CNTNAP2: variants seen among roughly 807,000 people sequenced by gnomAD.
CNTNAP2 encodes contactin associated protein 2.
Under a neutral mutation model 155.2 loss-of-function variants are expected in CNTNAP2, and 98 were observed. The observed-to-expected ratio is 0.63, with a 90% CI of 0.54 to 0.75. The LOEUF is 0.75. CNTNAP2 is among the 30% of genes least tolerant of loss of function. The probability of loss-of-function intolerance (pLI) is 0.00; values close to 1 mark genes in which losing one functional copy is unlikely to be tolerated. For synonymous variants in CNTNAP2, 651 were observed against 631.2 expected (o/e 1.03, Z -0.47); for missense variants, 1,727 against 1,688.1 (o/e 1.02, Z -0.40).
intron 12 of CNTNAP2, among the ~76,000 whole-genome samples, chr7:147,603,651 C>G (rs1401816629): frequency 7.9e-5 from 12 of 151,066 alleles, no homozygotes; most frequent in African/African-American, 2.9e-4. Flanking sequence ...ACTGCCCAAG[C>G]TAATTTATAG....
rs143433192 is a variant in CNTNAP2 at position 146,317,198 on chromosome 7, G to A, written c.97+200225G>A. On this transcript the variant is annotated intron_variant, in intron 1 of 23. Transcript: ENST00000361727. ...TAAATGCAATACATTAAAATTAGAA[G>A]TTAGCAGTTGACTTTATAAGAATCA... is the stretch of plus-strand genomic sequence containing the variant. Among the ~76,000 whole-genome samples the A allele has an allele frequency of 5.8e-4, 88 of 152,194 alleles. 1 individual carries two copies. The highest frequency in any genetic ancestry group is 2.0e-3 in the African/African-American group (85 of 41,548).
At chr7:147,058,451 G>A (rs1011254277) in intron 4 of CNTNAP2, among the ~76,000 whole-genome samples, 2 of 152,026 alleles carry the variant, frequency 1.3e-5, no homozygotes, top group African/African-American at 4.8e-5. Flanking sequence ...AATTTATATT[G>A]TTTTCACGCA....
intron 11 of CNTNAP2, among the ~76,000 whole-genome samples, chr7:147,517,291 C>T (rs1276953301): frequency 6.6e-6 from 1 of 152,172 alleles, no homozygotes; most frequent in Non-Finnish European, 1.5e-5. Context: ...AGAGGCAGCT[C>T]TGACTGTTAG....
Position 147,522,489 on chromosome 7 carries a change from G to A in CNTNAP2, c.1777+36448G>A, listed in dbSNP as rs944468369. On this transcript the variant is annotated intron_variant, in intron 11 of 23. Coordinates refer to ENST00000361727, the MANE Select transcript of CNTNAP2 (RefSeq NM_014141.6). ...TTTATTCACAATATGATTTTCATATGTAATATTTAGAATTATTACCAAAAG... is the reference window on the plus strand; with the variant it reads ...TTTATTCACAATATGATTTTCATATATAATATTTAGAATTATTACCAAAAG... Among the ~76,000 whole-genome samples the A allele has an allele frequency of 2.9e-4, 44 of 151,936 alleles. 1 individual carries two copies. The highest frequency in any genetic ancestry group is 1.5e-5 in the Non-Finnish European group (1 of 67,962).
chr7:146,468,666 CAAAG>C (rs1264190403), intron 1 of CNTNAP2, among the ~76,000 whole-genome samples: 2 of 151,880 alleles, frequency 1.3e-5, no homozygotes, highest in African/African-American at 4.8e-5. Flanking sequence ...AGAATTTCGA[CAAAG>C]AAATAAGCTC....
At chr7:146,741,208 C>T (rs183358081) in intron 1 of CNTNAP2, among the ~76,000 whole-genome samples, 26 of 152,188 alleles carry the variant, frequency 1.7e-4, no homozygotes, top group African/African-American at 4.8e-4. Flanking sequence ...TGTACTACAA[C>T]GAGGCACTGT....
At chr7:146,296,988 G>T (rs561963501) in intron 1 of CNTNAP2, among the ~76,000 whole-genome samples, 6 of 152,154 alleles carry the variant, frequency 3.9e-5, no homozygotes, top group African/African-American at 1.2e-4. Flanking sequence ...GTTTCTGTGT[G>T]TGTGTTTGTG....
chr7:146,154,825 A>C lies in CNTNAP2; in HGVS notation c.97+37852A>C, dbSNP rs1005802561. On this transcript the variant is annotated intron_variant, in intron 1 of 23. Coordinates refer to ENST00000361727, the MANE Select transcript of CNTNAP2 (RefSeq NM_014141.6). ...ACCTGGTAAAAAGCATCTATAGACCAGAAGAACCTGGGAAGAGGGTATTCC... is the reference window on the plus strand; with the variant it reads ...ACCTGGTAAAAAGCATCTATAGACCCGAAGAACCTGGGAAGAGGGTATTCC... Among the ~76,000 whole-genome samples, 3 of 152,324 alleles carry C rather than the reference A, an allele frequency of 2.0e-5. No homozygotes were observed. The East Asian group carries it at 5.8e-4, about 29-fold the overall frequency.
At position 148,061,970 on chromosome 7, in the gene CNTNAP2, G is replaced by A. The variant is rs1288089257; in HGVS notation, c.2384-56148G>A. ...ATAAACAGATATAGATAGATAGATAGATAGATAGATAGATAGATAGATAGA... is the reference window on the plus strand; with the variant it reads ...ATAAACAGATATAGATAGATAGATAAATAGATAGATAGATAGATAGATAGA... On this transcript the variant is annotated intron_variant, in intron 15 of 23. Transcript: ENST00000361727. 4.0e-4 allele frequency among the ~76,000 whole-genome samples: 51 copies of A among 126,020 alleles called. 2 individuals are homozygous for A. Among genetic ancestry groups the A allele is most frequent in the African/African-American group, 1.5e-3 (39 of 26,232 alleles). The allele number at this position is 126,020 out of a possible 152,430, so 82.7% of individuals were successfully genotyped here.
At chr7:146,753,002 G>A (rs778384768) in intron 1 of CNTNAP2, among the ~76,000 whole-genome samples, 1 of 152,146 alleles carries the variant, frequency 6.6e-6, no homozygotes, top group Non-Finnish European at 1.5e-5. Flanking sequence ...TAGAGCCAAG[G>A]GTTGAGGCAG....
At chr7:148,220,377 C>G (rs1056820263) in intron 19 of CNTNAP2, among the ~76,000 whole-genome samples, 3 of 152,208 alleles carry the variant, frequency 2.0e-5, no homozygotes, top group Non-Finnish European at 4.4e-5. Flanking sequence ...GCTGGGATTA[C>G]AGGCGTGAGC....
intron 3 of CNTNAP2, among the ~76,000 whole-genome samples, chr7:146,842,215 A>G (rs2129201116): frequency 6.6e-6 from 1 of 152,140 alleles, no homozygotes; most frequent in African/African-American, 2.4e-5. Context: ...ATAGAATAAT[A>G]ATGGTTGAGT....
intron 13 of CNTNAP2, among the ~76,000 whole-genome samples, chr7:147,768,589 T>C (rs868483449): frequency 2.3e-4 from 35 of 152,260 alleles, no homozygotes; most frequent in African/African-American, 7.9e-4. Flanking sequence ...GTCTTTAAAA[T>C]AGCATTTCTT....
intron 1 of CNTNAP2, among the ~76,000 whole-genome samples, chr7:146,270,533 A>G (rs1800064543): frequency 6.6e-6 from 1 of 152,222 alleles, no homozygotes; most frequent in South Asian, 2.1e-4. Context: ...AATCAATAAT[A>G]GTAATATTGT....
At chr7:146,341,875 G>T (rs1220690133) in intron 1 of CNTNAP2, among the ~76,000 whole-genome samples, 3 of 152,122 alleles carry the variant, frequency 2.0e-5, no homozygotes, top group Non-Finnish European at 4.4e-5. Flanking sequence ...TTTGGGGTAG[G>T]TTTGGCAGGC....
At chr7:147,448,931 T>C (rs1278437582) in intron 10 of CNTNAP2, among the ~76,000 whole-genome samples, 1 of 152,142 alleles carries the variant, frequency 6.6e-6, no homozygotes, top group East Asian at 1.9e-4. Context: ...CCTCAATAAA[T>C]AAACTCTTTG....
intron 13 of CNTNAP2, among the ~76,000 whole-genome samples, chr7:147,657,118 T>C (rs1238711508): frequency 1.3e-5 from 2 of 152,204 alleles, no homozygotes; most frequent in Admixed American, 1.3e-4. Context: ...GGCAGACTTC[T>C]TGAAAATAAC....
At chr7:146,827,069 A>G (rs1417099691) in intron 2 of CNTNAP2, among the ~76,000 whole-genome samples, 1 of 151,858 alleles carries the variant, frequency 6.6e-6, no homozygotes, top group Non-Finnish European at 1.5e-5. Flanking sequence ...TCTTATATGT[A>G]TGCAGCTGGA....
chr7:147,212,185 T>G (rs909374785), intron 8 of CNTNAP2, among the ~76,000 whole-genome samples: 2 of 152,100 alleles, frequency 1.3e-5, no homozygotes, highest in Non-Finnish European at 2.9e-5. Flanking sequence ...GGAAAGCAGT[T>G]TGGAGATTTC....
Sources: gnomAD v4.1 joint callset for allele counts (sites outside exome capture counted in the v4.1 genomes callset) on GRCh38, gnomAD v4.1.1 for gene constraint, MANE v1.5 for transcripts, NCBI Gene and HGNC (gene_info 2026-07-23, HGNC 2026-07-21) for gene names.